PCDHA5: variants seen among roughly 807,000 people sequenced by gnomAD.
PCDHA5 encodes protocadherin alpha-5.
Under a neutral mutation model 61.6 loss-of-function variants are expected in PCDHA5, and 43 were observed. The ratio of observed to expected loss-of-function variants is 0.70; its 90% confidence interval spans 0.55 to 0.90. The LOEUF (loss-of-function observed/expected upper bound fraction) is 0.90. Among genes scored for constraint, PCDHA5 ranks in the 40% least tolerant of loss-of-function variants. The pLI, the probability that PCDHA5 is intolerant of heterozygous loss-of-function variation, is 0.00. For synonymous variants in PCDHA5, 627 were observed against 543.9 expected (o/e 1.15, Z -2.13); for missense variants, 1,298 against 1,222.7 (o/e 1.06, Z -0.92).
chr5:140,997,565 A>T (rs552009994), intron 3 of PCDHA5, among the ~76,000 whole-genome samples: 1 of 152,174 alleles, frequency 6.6e-6, no homozygotes, highest in Non-Finnish European at 1.5e-5. Context: ...CAACTGTCAT[A>T]TGTGTGGTCC....
At chr5:140,878,832 G>A (rs1416879653) in intron 1 of PCDHA5, among the ~76,000 whole-genome samples, 1 of 152,138 alleles carries the variant, frequency 6.6e-6, no homozygotes, top group African/African-American at 2.4e-5. Flanking sequence ...TGCACAGGCT[G>A]GACTAGAACT....
rs2150374471 is a variant in PCDHA5, at chr5:140,844,869, T to C, written c.2352+20742T>C. Among the ~76,000 whole-genome samples the C allele has an allele frequency of 2.0e-5, 3 of 149,476 alleles. No homozygotes were observed. The Admixed American group carries it at 2.0e-4, about 10-fold the overall frequency. On this transcript the variant is annotated intron_variant, in intron 1 of 3. Transcript: ENST00000529859. ...CTGTTGGACCTGCCTGGATATTAAA[T>C]ACCCATTAGACTTCGTGCATATTGC... is the stretch of plus-strand genomic sequence containing the variant.
rs147440301 is a variant in PCDHA5, at chr5:140,924,523, G to A, written c.2353-54426G>A. On this transcript the variant is annotated intron_variant, in intron 1 of 3. Transcript: ENST00000529859. ...AATCCCACTCTTAGTGTTAAAAAGA[G>A]AATGCCCGAGCTACCCCTCTCCCCA... is the stretch of plus-strand genomic sequence containing the variant. Among the ~76,000 whole-genome samples, 1,224 of 152,202 alleles carry A rather than the reference G, an allele frequency of 8.0e-3. 6 individuals carry two copies. The highest frequency in any genetic ancestry group is 0.019 in the African/African-American group (791 of 41,530).
chr5:140,921,002 C>T (rs909094860), intron 1 of PCDHA5, among the ~76,000 whole-genome samples: 4 of 151,934 alleles, frequency 2.6e-5, no homozygotes, highest in Admixed American at 6.6e-5. Context: ...TTTTCAGAGT[C>T]AGGGTCTTGC....
chr5:140,850,739 G>A, intron 1 of PCDHA5: 2 of 1,598,040 alleles, frequency 1.3e-6, no homozygotes, highest in Non-Finnish European at 1.7e-6. Context: ...TGGGGAGTTG[G>A]TCGTACTCGC....
chr5:140,918,817 A>C (rs1554198772), intron 1 of PCDHA5, among the ~76,000 whole-genome samples: 1 of 62,248 alleles, frequency 1.6e-5, no homozygotes, highest in Non-Finnish European at 2.7e-5. Context: ...TGAACCAAAA[A>C]GTGGCCCCCT....
chr5:140,825,544 C>T (rs1554130274), intron 1 of PCDHA5: 1 of 151,620 alleles, frequency 6.6e-6, no homozygotes, highest in African/African-American at 2.4e-5. Context: ...CCTGCCTTAT[C>T]TTCCCAAGTA....
chr5:140,851,304 C>T (rs2042021311), intron 1 of PCDHA5: 1 of 1,006,386 alleles, frequency 9.9e-7, no homozygotes, highest in East Asian at 6.6e-5. Context: ...AAATATATAG[C>T]AATTGTTACC....
chr5:140,856,428 A>T, intron 1 of PCDHA5: 1 of 1,598,400 alleles, frequency 6.3e-7, no homozygotes, highest in South Asian at 1.1e-5. Flanking sequence ...GACATTAACG[A>T]CAACCCGCCC....
chr5:140,920,853 A>G (rs375783359), intron 1 of PCDHA5, among the ~76,000 whole-genome samples: 2 of 152,062 alleles, frequency 1.3e-5, no homozygotes, highest in Non-Finnish European at 2.9e-5. Context: ...AAAAAAAAAA[A>G]AAAAACAAAC....
In PCDHA5 at chr5:140,823,672, A is replaced by G. The variant is rs946828045; in HGVS notation, c.1897A>G (p.Thr633Ala). 6 of 1,614,048 alleles carry G rather than the reference A, an allele frequency of 3.7e-6. No individual in the cohort carries two copies. Among genetic ancestry groups the G allele is most frequent in the Non-Finnish European group, 5.1e-6 (6 of 1,179,960 alleles). Residue 633 changes from threonine to alanine, a missense_variant, in exon 1 of 4, where the codon ACA (threonine) becomes GCA (alanine). Coordinates refer to ENST00000529859, the MANE Select transcript of PCDHA5 (RefSeq NM_018908.3). ...VGLYTGEIST[T>A]RSLDETEAPR... Reference sequence around the variant, plus strand: ...GCTGTACACAGGCGAGATCAGCACAACACGCTCTCTGGATGAGACCGAAGC... The same window carrying G: ...GCTGTACACAGGCGAGATCAGCACAGCACGCTCTCTGGATGAGACCGAAGC...
rs75203598 is a variant in PCDHA5, at chr5:140,915,428, C to T, written c.2353-63521C>T. 8.0e-3 allele frequency among the ~76,000 whole-genome samples: 1,217 copies of T among 152,162 alleles called. 6 individuals are homozygous for T. The highest frequency in any genetic ancestry group is 0.019 in the African/African-American group (786 of 41,514). On this transcript the variant is annotated intron_variant, in intron 1 of 3. Transcript: ENST00000529859. The stretch of plus-strand genomic sequence containing the variant: ...TCTTTGCAGTCTGGGCTTGTTTATC[C>T]CTGTCCTTCTTGAGAAGGTTTTCCA...
At chr5:140,830,452 G>A (rs1771077963) in intron 1 of PCDHA5, 2 of 1,597,194 alleles carry the variant, frequency 1.3e-6, no homozygotes, top group African/African-American at 1.3e-5. Flanking sequence ...GTAAGGCGGA[G>A]AATCAGGATT....
chr5:141,004,163 G>A (rs374407159), intron 3 of PCDHA5, among the ~76,000 whole-genome samples: 3 of 152,234 alleles, frequency 2.0e-5, no homozygotes, highest in African/African-American at 7.2e-5. Context: ...TATAGGCAAA[G>A]CCAGCCAAGT....
intron 1 of PCDHA5, chr5:140,968,545 G>C: frequency 6.2e-7 from 1 of 1,614,182 alleles, no homozygotes; most frequent in Non-Finnish European, 8.5e-7. Flanking sequence ...CCTTCGAGAT[G>C]GTGCCTCGAA....
chr5:140,882,049 T>C, intron 1 of PCDHA5: 1 of 752,814 alleles, frequency 1.3e-6, no homozygotes, highest in Non-Finnish European at 2.1e-6. Flanking sequence ...TGAGTCATAC[T>C]TACACTTACA....
Position 140,849,995 on chromosome 5 carries a change from C to T in PCDHA5, c.2352+25868C>T, listed in dbSNP as rs2150462177. The T allele has an allele frequency of 2.5e-6, 4 of 1,597,088 alleles. 1 individual carries two copies. The highest frequency in any genetic ancestry group is 1.7e-6 in the Non-Finnish European group (2 of 1,167,812). ...ACTCGCTGGTGGAGCGGCGGTTGGG[C>T]GAGCGCTCGCTGTCGAGCTACGTGT... On this transcript the variant is annotated intron_variant, in intron 1 of 3. Transcript: ENST00000529859.
chr5:140,921,471 A>G (rs2080231314), intron 1 of PCDHA5, among the ~76,000 whole-genome samples: 1 of 152,182 alleles, frequency 6.6e-6, no homozygotes, highest in Non-Finnish European at 1.5e-5. Context: ...ACCACTACCA[A>G]ACCACTCTAC....
At chr5:140,875,884 C>A in intron 1 of PCDHA5, 1 of 1,614,168 alleles carries the variant, frequency 6.2e-7, no homozygotes, top group Non-Finnish European at 8.5e-7. Context: ...AGAAAGGGAA[C>A]AAAAGGTACC....
Sources: gnomAD v4.1 joint callset for allele counts (sites outside exome capture counted in the v4.1 genomes callset) on GRCh38, gnomAD v4.1.1 for gene constraint, MANE v1.5 for transcripts, NCBI Gene and HGNC (gene_info 2026-07-23, HGNC 2026-07-21) for gene names.